The following OSBPL11 variants were observed in gnomAD, a reference collection of about 807,000 sequenced individuals.
OSBPL11 encodes oxysterol-binding protein-related protein 11.
OSBPL11 carries 33 observed loss-of-function variants against 84.4 expected under a neutral mutation model. The observed-to-expected ratio is 0.39, with a 90% CI of 0.30 to 0.52. The LOEUF (loss-of-function observed/expected upper bound fraction) is 0.52, where lower values mean the gene tolerates loss of function less well. OSBPL11 is among the 20% of genes least tolerant of loss of function. The pLI is 0.72. For synonymous variants in OSBPL11, 276 were observed against 310.2 expected, an observed-to-expected ratio of 0.89 and a Z score of 1.16; for missense variants, 736 against 901.1, an observed-to-expected ratio of 0.82 and a Z score of 2.35.
intron 1 of OSBPL11, among the ~76,000 whole-genome samples, chr3:125,584,968 G>A (rs1248944465): frequency 6.6e-6 from 1 of 152,010 alleles, no homozygotes; most frequent in African/African-American, 2.4e-5. Flanking sequence ...GTGGGGATGG[G>A]GGGGTCTCAC....
Position 125,530,352 on chromosome 3 carries a change from G to T in OSBPL11, c.*163C>A. 1.5e-6 allele frequency: 1 copy of T among 652,474 alleles called. No individual in the cohort carries two copies. Among genetic ancestry groups the T allele is most frequent in the Non-Finnish European group, 2.8e-6 (1 of 362,594 alleles). 40.4% of individuals were successfully genotyped at this position (652,474 alleles called of 1,614,324 possible). On this transcript the variant is annotated 3_prime_UTR_variant, in exon 13 of 13. Transcript: ENST00000296220. Reference sequence around the variant, plus strand: ...GTCCACTGTGTTTCTTTACCACTTTGGTCTTGCTGCAGTATTATGGTGCCC... The same window carrying T: ...GTCCACTGTGTTTCTTTACCACTTTTGTCTTGCTGCAGTATTATGGTGCCC...
intron 6 of OSBPL11, among the ~76,000 whole-genome samples, chr3:125,565,214 C>T (rs369090713): frequency 9.2e-5 from 14 of 151,492 alleles, no homozygotes; most frequent in South Asian, 6.3e-4. Flanking sequence ...ACTGCACTCC[C>T]GCCTGGGCAA....
intron 10 of OSBPL11, among the ~76,000 whole-genome samples, chr3:125,539,346 A>ATAT (rs1935692796): frequency 1.7e-5 from 2 of 115,040 alleles, no homozygotes; most frequent in Non-Finnish European, 3.7e-5. Flanking sequence ...TATATATATA[A>ATAT]TAGCTATATA....
chr3:125,573,463 A>T (rs922645099), intron 5 of OSBPL11, among the ~76,000 whole-genome samples: 13 of 152,232 alleles, frequency 8.5e-5, no homozygotes, highest in African/African-American at 3.1e-4. Flanking sequence ...GGAACTGATA[A>T]GTAGTACTAA....
intron 5 of OSBPL11, among the ~76,000 whole-genome samples, chr3:125,569,506 C>T (rs1409393836): frequency 6.6e-6 from 1 of 152,100 alleles, no homozygotes; most frequent in East Asian, 1.9e-4. Flanking sequence ...TTTTTGTATA[C>T]AAATTTAGGA....
In OSBPL11 at chr3:125,538,607, ATGT is replaced by A; in HGVS notation, c.1865_1867del (p.Asn622del). 1.2e-6 allele frequency: 2 copies of A among 1,611,200 alleles called. No homozygotes were observed. The highest frequency in any genetic ancestry group is 2.2e-5 in the East Asian group (1 of 44,762). ...CACTCTGCATACCACAGTGTTGGTGATGTTGTGCTTTACTTCAGCTGTAACCCT... is the reference window on the plus strand; with the variant it reads ...CACTCTGCATACCACAGTGTTGGTGATGTGCTTTACTTCAGCTGTAACCCT... On this transcript the variant is annotated inframe_deletion, in exon 11 of 13. Transcript: ENST00000296220.
At chr3:125,545,480 A>C (rs1935798728) in intron 10 of OSBPL11, among the ~76,000 whole-genome samples, 1 of 152,228 alleles carries the variant, frequency 6.6e-6, no homozygotes. Context: ...GTTTTTCCTA[A>C]AAGCCTTACA....
At chr3:125,574,541 A>T (rs1478019550) in intron 5 of OSBPL11, among the ~76,000 whole-genome samples, 17 of 151,674 alleles carry the variant, frequency 1.1e-4, no homozygotes, top group Non-Finnish European at 1.5e-5. Flanking sequence ...ACAGAAAGAA[A>T]CTATGGAGAT....
At chr3:125,578,471 C>T (rs547820412) in intron 4 of OSBPL11, among the ~76,000 whole-genome samples, 57 of 152,122 alleles carry the variant, frequency 3.7e-4, no homozygotes, top group African/African-American at 7.2e-4. Context: ...TGGCCAGGTG[C>T]GGTGGCTCAC....
In OSBPL11 at chr3:125,542,043, A is replaced by C. The variant is rs115192882; in HGVS notation, c.1842-3410T>G. Among the ~76,000 whole-genome samples, 1,229 of 152,354 alleles carry C rather than the reference A, an allele frequency of 8.1e-3. 22 individuals are homozygous for C. The highest frequency in any genetic ancestry group is 0.029 in the African/African-American group (1,186 of 41,590). On this transcript the variant is annotated intron_variant, in intron 10 of 12. Transcript: ENST00000296220. The stretch of plus-strand genomic sequence containing the variant: ...TATTTTGTAGCTATGATATACAAAT[A>C]AAAGTTAGGTACTTCAGAGAAATAT...
Position 125,538,532 on chromosome 3 carries a change from GTC to G in OSBPL11, c.1941_1942del (p.Glu647AspfsTer8). 1 of 1,614,050 alleles carries G rather than the reference GTC, an allele frequency of 6.2e-7. No homozygotes were observed. Among genetic ancestry groups the G allele is most frequent in the Non-Finnish European group, 8.5e-7 (1 of 1,179,978 alleles). ...CAATTTAGTCAAGTCCACATACTTT[GTC>G]TCTCCATTGCTATATGTGAACTCAA... On this transcript the variant is annotated frameshift_variant, in exon 11 of 13. Transcript: ENST00000296220. LOFTEE classifies it high-confidence loss of function.
intron 5 of OSBPL11, among the ~76,000 whole-genome samples, chr3:125,572,237 C>G (rs540586795): frequency 1.4e-4 from 21 of 152,318 alleles, no homozygotes; most frequent in African/African-American, 4.8e-4. Flanking sequence ...TATCCAATGC[C>G]TGTACCCCCA....
intron 8 of OSBPL11, among the ~76,000 whole-genome samples, chr3:125,557,875 C>A (rs1936015115): frequency 6.8e-6 from 1 of 146,024 alleles, no homozygotes; most frequent in South Asian, 2.2e-4. Flanking sequence ...CTCACTGCAA[C>A]CTCCACTTCC....
intron 1 of OSBPL11, among the ~76,000 whole-genome samples, chr3:125,585,854 T>C (rs1295729586): frequency 1.3e-5 from 2 of 152,238 alleles, no homozygotes; most frequent in African/African-American, 4.8e-5. Context: ...ACTGAACATC[T>C]GATTCACACT....
At chr3:125,555,683 G>A (rs1935981641) in intron 8 of OSBPL11, among the ~76,000 whole-genome samples, 2 of 151,990 alleles carry the variant, frequency 1.3e-5, no homozygotes, top group Admixed American at 1.3e-4. Flanking sequence ...GCAGCACGGA[G>A]ATATTATCTT....
chr3:125,560,563 T>C, intron 7 of OSBPL11, 44 bp from the exon 8 acceptor site: 2 of 1,455,878 alleles, frequency 1.4e-6, no homozygotes, highest in Non-Finnish European at 1.8e-6. Flanking sequence ...TAACTACCTA[T>C]TCATATCCAT....
In OSBPL11 at chr3:125,529,135, T is replaced by C. The variant is rs535678053; in HGVS notation, c.*1380A>G. The C allele has an allele frequency of 3.3e-5, 5 of 152,718 alleles. No homozygotes were observed. The South Asian group carries it at 1.0e-3, about 32-fold the overall frequency. The allele number at this position is 152,718 out of a possible 1,614,324, so 9.5% of individuals were successfully genotyped here. ...ATGCAACAGACACAGCCACCTACAA[T>C]GGCTGATAAACAACAGGTATGTTAC... On this transcript the variant is annotated 3_prime_UTR_variant, in exon 13 of 13. Coordinates refer to ENST00000296220, the MANE Select transcript of OSBPL11 (RefSeq NM_022776.5).
rs568584178 is a variant in OSBPL11, at chr3:125,542,701, G to A, written c.1842-4068C>T. 5.3e-5 allele frequency among the ~76,000 whole-genome samples: 8 copies of A among 152,090 alleles called. No homozygotes were observed. The South Asian group carries it at 1.2e-3, about 24-fold the overall frequency. On this transcript the variant is annotated intron_variant, in intron 10 of 12. Transcript: ENST00000296220. ...TTTTTTTTGTATTTTTAGTAGAGAC[G>A]GGGTTTCACTGTGTTAGCCAGGATG...
chr3:125,557,921 T>C (rs1370720914), intron 8 of OSBPL11, among the ~76,000 whole-genome samples: 2 of 150,092 alleles, frequency 1.3e-5, no homozygotes, highest in East Asian at 4.0e-4. Flanking sequence ...AGCCACATGG[T>C]AGCTGGGACT....
Sources: gnomAD v4.1 joint callset for allele counts (sites outside exome capture counted in the v4.1 genomes callset) on GRCh38, gnomAD v4.1.1 for gene constraint, MANE v1.5 for transcripts, NCBI Gene and HGNC (gene_info 2026-07-23, HGNC 2026-07-21) for gene names.